The following RGS12 variants were observed in gnomAD, a reference collection of about 807,000 sequenced individuals.
RGS12 encodes the protein regulator of G protein signaling 12.
Under a neutral mutation model 120.1 loss-of-function variants are expected in RGS12, and 66 were observed. That is an observed-to-expected ratio of 0.55 (90% CI 0.45 to 0.67). The LOEUF (loss-of-function observed/expected upper bound fraction) is 0.67. RGS12 is among the 30% of genes least tolerant of loss of function. RGS12 has a pLI of 0.00. For synonymous variants in RGS12, 827 were observed against 804.7 expected (o/e 1.03, Z -0.47); for missense variants, 1,859 against 1,957.7 (o/e 0.95, Z 0.95).
chr4:3,431,916 A>G (rs1280786803), intron 17 of RGS12: 1 of 985,336 alleles, frequency 1.0e-6, no homozygotes, highest in Non-Finnish European at 1.2e-6. Context: ...GGGACCAGGG[A>G]GTGCACGTCT....
chr4:3,339,417 G>A (rs942191339), intron 2 of RGS12, among the ~76,000 whole-genome samples: 1 of 152,122 alleles, frequency 6.6e-6, no homozygotes. Flanking sequence ...GGGAGGTCGC[G>A]GCTGCTGTGA....
chr4:3,334,174 T>G (rs1712192501), intron 2 of RGS12, among the ~76,000 whole-genome samples: 3 of 152,214 alleles, frequency 2.0e-5, no homozygotes, highest in African/African-American at 7.2e-5. Context: ...ACTAGTTGCT[T>G]TTTATATCTA....
At chr4:3,354,499 C>G (rs993033150) in intron 3 of RGS12, among the ~76,000 whole-genome samples, 2 of 152,178 alleles carry the variant, frequency 1.3e-5, no homozygotes, top group African/African-American at 4.8e-5. Context: ...GCTGATGAAC[C>G]TGGGCATTAC....
chr4:3,337,557 G>A (rs1712612397), intron 2 of RGS12, among the ~76,000 whole-genome samples: 1 of 152,182 alleles, frequency 6.6e-6, no homozygotes, highest in African/African-American at 2.4e-5. Context: ...GCTACAACAT[G>A]GATGACCCTT....
chr4:3,293,958 A>C lies in RGS12; in HGVS notation c.-102+859A>C, dbSNP rs3135068. On this transcript the variant is annotated intron_variant, in intron 1 of 17. Transcript: ENST00000336727. ...AGCCGTGCAGACAGAGAAGGGGCCC[A>C]GAGCCATGGAGTGTAGACAGTGGAG... Among the ~76,000 whole-genome samples, 118 of 24,474 alleles carry C rather than the reference A, an allele frequency of 4.8e-3. 2 individuals are homozygous for C. The highest frequency in any genetic ancestry group is 0.011 in the South Asian group (5 of 470). The allele number at this position is 24,474 out of a possible 152,430, so 16.1% of individuals were successfully genotyped here.
At chr4:3,397,404 A>AT (rs1250544250) in intron 4 of RGS12, among the ~76,000 whole-genome samples, 2 of 152,252 alleles carry the variant, frequency 1.3e-5, no homozygotes, top group African/African-American at 4.8e-5. Context: ...ATTAACCCTC[A>AT]TATGAGTTTG....
intron 1 of RGS12, among the ~76,000 whole-genome samples, chr4:3,311,670 C>T (rs187729155): frequency 1.5e-4 from 23 of 152,238 alleles, no homozygotes; most frequent in East Asian, 1.2e-3. Context: ...TCAAAAGTAC[C>T]GCACAAAATT....
At chr4:3,395,653 C>G (rs964976772) in intron 4 of RGS12, among the ~76,000 whole-genome samples, 18 of 152,162 alleles carry the variant, frequency 1.2e-4, no homozygotes, top group African/African-American at 4.1e-4. Flanking sequence ...AGTTTTAGTT[C>G]TCAGTCCCCT....
chr4:3,386,501 G>A, intron 4 of RGS12, 64 bp downstream of exon 4: 1 of 1,443,478 alleles, frequency 6.9e-7, no homozygotes, highest in Non-Finnish European at 9.7e-7. Flanking sequence ...TTGTGAAAGT[G>A]TATTTGCCAT....
chr4:3,423,418 A>AG lies in RGS12; in HGVS notation c.3108-94dup, dbSNP rs1254532465. ...AACTGGGGGGCACACCGAGGCCTTG[A>AG]GGGCGGCCTGGGGCTGTGCTGTAGT... On this transcript the variant is annotated intron_variant, in intron 12 of 17. Transcript: ENST00000336727. 2.0e-6 allele frequency: 3 copies of AG among 1,510,232 alleles called. No homozygotes were observed. The African/African-American group carries it at 4.1e-5, about 21-fold the overall frequency. The allele number at this position is 1,510,232 out of a possible 1,614,324, so 93.6% of individuals were successfully genotyped here.
At position 3,362,970 on chromosome 4, in the gene RGS12, T is replaced by G. The variant is rs573760961; in HGVS notation, c.1998+19917T>G. Among the ~76,000 whole-genome samples the G allele has an allele frequency of 2.2e-4, 33 of 147,090 alleles. 1 individual carries two copies. The highest frequency in any genetic ancestry group is 6.6e-4 in the African/African-American group (26 of 39,132). On this transcript the variant is annotated intron_variant, in intron 3 of 17. Transcript: ENST00000336727. ...GTGCACGTGCCAGTGTGTGAAGGCA[T>G]GTGTGTGAGGGTGTGTATATGTGTG... is the stretch of plus-strand genomic sequence containing the variant.
In RGS12 at chr4:3,414,085, C is replaced by T. The variant is rs1425180129; in HGVS notation, c.2034C>T (p.Ala678=). 12 of 1,565,352 alleles carry T rather than the reference C, an allele frequency of 7.7e-6. No homozygotes were observed. Among genetic ancestry groups the T allele is most frequent in the Middle Eastern group, 1.7e-4 (1 of 5,758 alleles). The stretch of plus-strand genomic sequence containing the variant: ...CTGGTCCCGCAGAGTTGACGGGCGC[C>T]GACCTGAAGGACTGCGTCAGCAACA... The part of the protein sequence containing the change: ...ATVSDGELTG[A]DLKDCVSNNS... Residue 678 remains alanine, a synonymous_variant, in exon 5 of 18, where the codon GCC becomes GCT. Coordinates refer to ENST00000336727, the MANE Select transcript of RGS12 (RefSeq NM_001394154.1).
chr4:3,346,264 A>G (rs1009100852), intron 3 of RGS12, among the ~76,000 whole-genome samples: 10 of 152,192 alleles, frequency 6.6e-5, no homozygotes, highest in African/African-American at 1.4e-4. Context: ...GGGGGACTCA[A>G]GGATCTCTTA....
intron 1 of RGS12, among the ~76,000 whole-genome samples, chr4:3,300,553 A>G (rs781155940): frequency 5.7e-4 from 86 of 152,078 alleles, no homozygotes; most frequent in Non-Finnish European, 1.1e-3. Context: ...CTAGCCCAGT[A>G]GCAGCCCCCG....
chr4:3,363,825 G>A (rs775388383), intron 3 of RGS12, among the ~76,000 whole-genome samples: 14 of 152,124 alleles, frequency 9.2e-5, no homozygotes, highest in Non-Finnish European at 1.3e-4. Flanking sequence ...GTCAGGGACT[G>A]GAAGGAAGCT....
chr4:3,343,726 C>G (rs1353524005), intron 3 of RGS12, among the ~76,000 whole-genome samples: 1 of 151,940 alleles, frequency 6.6e-6, no homozygotes, highest in Admixed American at 6.6e-5. Flanking sequence ...AGCCGCCGCC[C>G]TGGAAATCCT....
rs866812191 is a variant in RGS12 at position 3,308,964 on chromosome 4, G to A, written c.-101-7106G>A. 4.6e-5 allele frequency among the ~76,000 whole-genome samples: 7 copies of A among 152,334 alleles called. No homozygotes were observed. The South Asian group carries it at 8.3e-4, about 18-fold the overall frequency. On this transcript the variant is annotated intron_variant, in intron 1 of 17. Transcript: ENST00000336727. ...GGAGTCCCAGACGCGGTCGGCACTC[G>A]CAGCACTGCTGAATGGCAGGTGTCC... is the stretch of plus-strand genomic sequence containing the variant.
In RGS12 at chr4:3,439,622, G is replaced by A. The variant is rs2109284650; in HGVS notation, c.4282G>A (p.Gly1428Ser). Residue 1428 changes from glycine (G) to serine (S), a missense_variant, in exon 18 of 18, where the codon GGC (glycine) becomes AGC (serine). By Grantham distance (56) the Gly-to-Ser change is moderately conservative. Transcript: ENST00000336727. ...TCCTACATCAGACCTCCCTGGCTTG[G>A]GCCCCGTCCCGGGTGAGCCTGCTAA... The part of the protein sequence containing the change: ...GPPTSDLPGL[G>S]PVPGEPAKPK... 1 of 1,602,058 alleles carries A rather than the reference G, an allele frequency of 6.2e-7. No individual in the cohort carries two copies. Among genetic ancestry groups the A allele is most frequent in the Non-Finnish European group, 8.5e-7 (1 of 1,173,964 alleles).
chr4:3,344,368 G>A (rs1713588586), intron 3 of RGS12, among the ~76,000 whole-genome samples: 1 of 152,212 alleles, frequency 6.6e-6, no homozygotes, highest in Non-Finnish European at 1.5e-5. Context: ...AAAGGGGTGT[G>A]TGCTACCTAA....
Sources: allele counts gnomAD v4.1 joint callset (sites outside exome capture counted in the v4.1 genomes callset), GRCh38; gene constraint gnomAD v4.1.1; transcripts MANE v1.5; gene names NCBI Gene and HGNC (gene_info 2026-07-23, HGNC 2026-07-21).